The following DENND4C variants were observed in gnomAD, a reference collection of about 807,000 sequenced individuals.
DENND4C encodes DENN domain containing 4C, also known as DENN domain-containing protein 4C.
In DENND4C, 108 loss-of-function variants were observed where a neutral mutation model predicts 203.0. The observed-to-expected ratio is 0.53, with a 90% confidence interval of 0.46 to 0.62. The LOEUF (loss-of-function observed/expected upper bound fraction) is 0.62, where lower values mean the gene tolerates loss of function less well. Ranked by LOEUF, DENND4C falls within the 20% of genes least tolerant of loss-of-function variation. DENND4C has a pLI of 0.00. For synonymous variants in DENND4C, 871 were observed against 792.4 expected (o/e 1.10, Z -1.67); for missense variants, 2,481 against 2,301.2 (o/e 1.08, Z -1.60).
intron 5 of DENND4C, among the ~76,000 whole-genome samples, chr9:19,292,054 C>A (rs140730330): frequency 0.021 from 3,262 of 151,872 alleles, 122 homozygotes; most frequent in African/African-American, 0.074. Context: ...GACGGAATGT[C>A]ACTCTTGTTG....
At chr9:19,248,610 G>C (rs981624646) in intron 1 of DENND4C, among the ~76,000 whole-genome samples, 2 of 151,906 alleles carry the variant, frequency 1.3e-5, no homozygotes, top group African/African-American at 4.8e-5. Context: ...GGCTGGTCTC[G>C]AACTCCCGAC....
chr9:19,362,586 T>C (rs1195619841), intron 30 of DENND4C, among the ~76,000 whole-genome samples: 1 of 152,224 alleles, frequency 6.6e-6, no homozygotes, highest in Non-Finnish European at 1.5e-5. Flanking sequence ...AGTGGTTTGC[T>C]GTTTTACTGA....
At chr9:19,294,690 A>C (rs1007335861) in intron 5 of DENND4C, among the ~76,000 whole-genome samples, 10 of 152,232 alleles carry the variant, frequency 6.6e-5, no homozygotes, top group African/African-American at 2.4e-4. Context: ...TATATGATGG[A>C]ATTATGATTT....
At chr9:19,280,327 A>G (rs1833800244) in intron 2 of DENND4C, among the ~76,000 whole-genome samples, 1 of 152,038 alleles carries the variant, frequency 6.6e-6, no homozygotes, top group Non-Finnish European at 1.5e-5. Flanking sequence ...TTGTATTTTT[A>G]GTAGAGACGG....
At chr9:19,296,286 G>C (rs746475825) in intron 6 of DENND4C, 40 bp downstream of exon 6, 71 of 1,332,586 alleles carry the variant, frequency 5.3e-5, no homozygotes, top group Admixed American at 2.7e-4. Flanking sequence ...TGGAAAACTG[G>C]GTATATAAAT....
At chr9:19,302,945 CT>C (rs1386356819) in intron 9 of DENND4C, among the ~76,000 whole-genome samples, 1 of 151,634 alleles carries the variant, frequency 6.6e-6, no homozygotes, top group Non-Finnish European at 1.5e-5. Flanking sequence ...ATAGAACCTG[CT>C]TTTCTTCTCT....
intron 1 of DENND4C, among the ~76,000 whole-genome samples, chr9:19,272,078 A>G (rs1250974870): frequency 2.6e-5 from 4 of 152,112 alleles, no homozygotes; most frequent in African/African-American, 4.8e-5. Context: ...AAAGGTATGA[A>G]ATCATTACAG....
intron 1 of DENND4C, among the ~76,000 whole-genome samples, chr9:19,233,242 T>C (rs1821029692): frequency 6.6e-6 from 1 of 152,172 alleles, no homozygotes; most frequent in Non-Finnish European, 1.5e-5. Context: ...TAAGCTTTCA[T>C]AATAACTGAA....
intron 5 of DENND4C, among the ~76,000 whole-genome samples, chr9:19,294,085 T>C (rs1219150488): frequency 6.6e-6 from 1 of 152,092 alleles, no homozygotes; most frequent in African/African-American, 2.4e-5. Flanking sequence ...CAGGTGGAGA[T>C]TAGTGAGTAG....
intron 20 of DENND4C, among the ~76,000 whole-genome samples, chr9:19,337,148 T>G (rs1820665823): frequency 6.6e-6 from 1 of 152,218 alleles, no homozygotes; most frequent in South Asian, 2.1e-4. Flanking sequence ...AACTTGCAAA[T>G]CTTTTTAAAA....
Position 19,270,521 on chromosome 9 carries a change from G to A in DENND4C, c.-17-5637G>A, listed in dbSNP as rs375096376. On this transcript the variant is annotated intron_variant, in intron 1 of 32. Coordinates refer to ENST00000434457, the MANE Select transcript of DENND4C (RefSeq NM_001330640.2). ...GTTTTTCTATTTTGTAACATAGGTT[G>A]GCATTACATTCTTTTTGAAGGGTGA... 1.5e-3 allele frequency among the ~76,000 whole-genome samples: 230 copies of A among 152,268 alleles called. 13 individuals carry two copies. In the South Asian group the frequency reaches 0.046, roughly 31 times the overall value.
At chr9:19,336,638 A>G in intron 19 of DENND4C, 48 bp from the exon 20 acceptor site, 1 of 1,519,206 alleles carries the variant, frequency 6.6e-7, no homozygotes, top group East Asian at 2.5e-5. Context: ...TTAGTTTAAG[A>G]GATTATCAAT....
chr9:19,235,077 G>A (rs779519045), intron 1 of DENND4C, among the ~76,000 whole-genome samples: 9 of 151,448 alleles, frequency 5.9e-5, no homozygotes, highest in Non-Finnish European at 1.2e-4. Context: ...AATTCTCCCT[G>A]CCTCAGGGTC....
At chr9:19,354,009 G>A (rs901763979) in intron 26 of DENND4C, among the ~76,000 whole-genome samples, 1 of 152,114 alleles carries the variant, frequency 6.6e-6, no homozygotes, top group African/African-American at 2.4e-5. Flanking sequence ...CTGTGCAAGG[G>A]CCCTCTCGTG....
chr9:19,374,159 T>C lies in DENND4C; in HGVS notation c.*1986T>C, dbSNP rs1829293208. Among the ~76,000 whole-genome samples, 1 of 152,224 alleles carries C rather than the reference T, an allele frequency of 6.6e-6. No individual in the cohort carries two copies. The highest frequency in any genetic ancestry group is 2.4e-5 in the African/African-American group (1 of 41,456). On this transcript the variant is annotated 3_prime_UTR_variant, in exon 33 of 33. Coordinates refer to ENST00000434457, the MANE Select transcript of DENND4C (RefSeq NM_001330640.2). The stretch of plus-strand genomic sequence containing the variant: ...CTGTTACATTAAGCCTCTTGAAATC[T>C]GTAATCTTTAGAATCCCAATATTTT...
chr9:19,261,085 C>T (rs1179678041), intron 1 of DENND4C, among the ~76,000 whole-genome samples: 1 of 152,022 alleles, frequency 6.6e-6, no homozygotes, highest in South Asian at 2.1e-4. Context: ...ATATTGATAT[C>T]TAGTTTTCCC....
chr9:19,313,373 T>C (rs1397799013), intron 10 of DENND4C, among the ~76,000 whole-genome samples: 1 of 152,234 alleles, frequency 6.6e-6, no homozygotes, highest in African/African-American at 2.4e-5. Flanking sequence ...TTAGGTACAT[T>C]ATCAGTCCTC....
At position 19,324,401 on chromosome 9, in the gene DENND4C, A is replaced by G. The variant is rs146889923; in HGVS notation, c.1847A>G (p.Tyr616Cys). The stretch of plus-strand genomic sequence containing the variant: ...CGAGATCGTGCCTATGCAAAATTCT[A>G]TACCCTTTTATCCAAAACACAGATT... ...KSRDRAYAKF[Y>C]TLLSKTQIFI... The change falls in exon 13 of 33, where the codon TAT becomes TGT. Residue 616 changes from tyrosine to cysteine, a missense_variant. Around this residue, in one of 3 missense-constraint regions of DENND4C, gnomAD observed 2,289 missense variants for 2,113.3 expected, o/e 1.08. Transcript: ENST00000434457. The G allele has an allele frequency of 4.3e-6, 7 of 1,611,886 alleles. No homozygotes were observed. The African/African-American group carries it at 5.3e-5, about 12-fold the overall frequency.
chr9:19,291,301 C>T (rs1467070618), intron 5 of DENND4C: 1 of 154,268 alleles, frequency 6.5e-6, no homozygotes, highest in African/African-American at 2.4e-5. Flanking sequence ...CTCAAAATAT[C>T]AAGGAAGGAA....
Sources: allele counts gnomAD v4.1 joint callset (sites outside exome capture counted in the v4.1 genomes callset), GRCh38; gene constraint gnomAD v4.1.1; regional missense constraint gnomAD v4.1.1; transcripts MANE v1.5; gene names NCBI Gene and HGNC (gene_info 2026-07-23, HGNC 2026-07-21).